NRXN3: variants seen among roughly 807,000 people sequenced by gnomAD.
The protein encoded by NRXN3 is neurexin 3.
A neutral mutation model predicts 137.6 loss-of-function variants in NRXN3; 32 were observed. That is an observed-to-expected ratio of 0.23 (90% CI 0.18 to 0.31). The LOEUF (loss-of-function observed/expected upper bound fraction) is 0.31. NRXN3 is among the 10% of genes least tolerant of loss of function. The pLI, the probability that NRXN3 is intolerant of heterozygous loss-of-function variation, is 1.00. For missense variants in NRXN3, 1,574 were observed against 2,062.5 expected (o/e 0.76, Z 4.59); for synonymous variants, 798 against 784.5 (o/e 1.02, Z -0.29).
intron 15 of NRXN3, among the ~76,000 whole-genome samples, chr14:79,087,417 G>A (rs1352585683): frequency 6.6e-6 from 1 of 152,142 alleles, no homozygotes; most frequent in Non-Finnish European, 1.5e-5. Flanking sequence ...AGGAAGAGCT[G>A]TCACCTTGCC....
At chr14:79,446,663 T>C (rs192739077) in intron 15 of NRXN3, among the ~76,000 whole-genome samples, 67 of 152,240 alleles carry the variant, frequency 4.4e-4, no homozygotes, top group African/African-American at 1.6e-3. Context: ...TTTCCTTCCT[T>C]TCTTTTTCTC....
intron 1 of NRXN3, among the ~76,000 whole-genome samples, chr14:78,234,219 T>G (rs1361205083): frequency 6.6e-6 from 1 of 152,170 alleles, no homozygotes; most frequent in Non-Finnish European, 1.5e-5. Flanking sequence ...CTCAGGTATG[T>G]CTCTATTAGC....
intron 8 of NRXN3, among the ~76,000 whole-genome samples, chr14:78,786,858 A>T (rs532995784): frequency 1.3e-5 from 2 of 152,250 alleles, no homozygotes; most frequent in South Asian, 4.1e-4. Context: ...ACTTTTTCAT[A>T]TCTCTGTAAG....
At chr14:78,547,363 A>AT (rs1036581751) in intron 4 of NRXN3, among the ~76,000 whole-genome samples, 7 of 150,976 alleles carry the variant, frequency 4.6e-5, no homozygotes, top group African/African-American at 1.5e-4. Context: ...CCGCTACCAC[A>AT]TTTTTTTTGT....
intron 15 of NRXN3, among the ~76,000 whole-genome samples, chr14:79,405,281 G>A (rs1275467652): frequency 6.6e-6 from 1 of 152,094 alleles, no homozygotes; most frequent in Non-Finnish European, 1.5e-5. Flanking sequence ...ACATAGTAAG[G>A]CCATTAGCTT....
chr14:79,488,772 C>T (rs1229783793), intron 16 of NRXN3, among the ~76,000 whole-genome samples: 1 of 152,130 alleles, frequency 6.6e-6, no homozygotes, highest in East Asian at 1.9e-4. Flanking sequence ...TTAAGCTCAT[C>T]AATCAACAGG....
intron 4 of NRXN3, among the ~76,000 whole-genome samples, chr14:78,443,012 T>C (rs1239426425): frequency 6.6e-6 from 1 of 152,200 alleles, no homozygotes; most frequent in Non-Finnish European, 1.5e-5. Flanking sequence ...GGCTTGTGTA[T>C]GACCATACAG....
rs536074796 is a variant in NRXN3, at chr14:78,962,553, TA to T, written c.2396-3462del. Reference sequence around the variant, plus strand: ...ACTATTGATTAAATGACACATAGATTAAAAAAAAAATATTTGGTTGGTTTGG... The same window carrying T: ...ACTATTGATTAAATGACACATAGATTAAAAAAAAATATTTGGTTGGTTTGG... On this transcript the variant is annotated intron_variant, in intron 11 of 20. Transcript: ENST00000335750. Among the ~76,000 whole-genome samples the T allele has an allele frequency of 1.1e-3, 167 of 150,134 alleles. 1 individual carries two copies. Among genetic ancestry groups the T allele is most frequent in the Middle Eastern group, 3.4e-3 (1 of 292 alleles).
chr14:79,094,565 A>T (rs1389860160), intron 15 of NRXN3, among the ~76,000 whole-genome samples: 1 of 152,218 alleles, frequency 6.6e-6, no homozygotes, highest in Non-Finnish European at 1.5e-5. Context: ...TTGTGACTTC[A>T]TCTAAATTAT....
chr14:79,756,248 G>A (rs2099019126), intron 19 of NRXN3, among the ~76,000 whole-genome samples: 1 of 152,070 alleles, frequency 6.6e-6, no homozygotes, highest in African/African-American at 2.4e-5. Flanking sequence ...CTGATTTTTG[G>A]CATTTAATTC....
intron 2 of NRXN3, among the ~76,000 whole-genome samples, chr14:78,259,959 G>A (rs933977941): frequency 6.6e-6 from 1 of 152,192 alleles, no homozygotes; most frequent in Non-Finnish European, 1.5e-5. Flanking sequence ...TAGGGGCCCA[G>A]CTGGTATGCG....
chr14:79,781,879 G>A (rs915181934), intron 19 of NRXN3, among the ~76,000 whole-genome samples: 6 of 152,178 alleles, frequency 3.9e-5, no homozygotes, highest in Non-Finnish European at 7.3e-5. Context: ...TGGGGAGGTG[G>A]TAAAGAAAAG....
intron 15 of NRXN3, among the ~76,000 whole-genome samples, chr14:79,350,436 G>A (rs773864734): frequency 6.6e-6 from 1 of 152,154 alleles, no homozygotes; most frequent in Non-Finnish European, 1.5e-5. Context: ...ATGACAATGT[G>A]AATGCATCAT....
At chr14:79,216,471 A>T (rs948245918) in intron 15 of NRXN3, among the ~76,000 whole-genome samples, 1 of 152,220 alleles carries the variant, frequency 6.6e-6, no homozygotes, top group African/African-American at 2.4e-5. Flanking sequence ...TCAAGGTCAC[A>T]TTGCAAAAGA....
intron 19 of NRXN3, among the ~76,000 whole-genome samples, chr14:79,799,361 T>G (rs1052082898): frequency 1.3e-5 from 2 of 152,218 alleles, no homozygotes; most frequent in Non-Finnish European, 2.9e-5. Flanking sequence ...ATATGCATTG[T>G]GAAACTGCAT....
At chr14:79,020,133 C>T (rs1397943484) in intron 15 of NRXN3, among the ~76,000 whole-genome samples, 1,371 of 12,398 alleles carry the variant, frequency 0.11, 42 homozygotes, top group African/African-American at 0.36. Context: ...CTTTCCCTTC[C>T]CTTCCCTTCC....
At chr14:78,490,539 T>A (rs1243520219) in intron 4 of NRXN3, among the ~76,000 whole-genome samples, 1 of 152,192 alleles carries the variant, frequency 6.6e-6, no homozygotes, top group African/African-American at 2.4e-5. Context: ...CCTGCCTCAG[T>A]TGAATGCATC....
chr14:78,430,036 G>GCAGC (rs1351726848), intron 4 of NRXN3, among the ~76,000 whole-genome samples: 1 of 152,104 alleles, frequency 6.6e-6, no homozygotes, highest in Non-Finnish European at 1.5e-5. Context: ...ATGTTTGAGA[G>GCAGC]CAGCGTAGGC....
intron 15 of NRXN3, among the ~76,000 whole-genome samples, chr14:79,317,171 G>A (rs998635056): frequency 6.6e-6 from 1 of 152,102 alleles, no homozygotes; most frequent in African/African-American, 2.4e-5. Flanking sequence ...GGTGGAGGTT[G>A]CAGTGAGCTG....
Sources: allele counts gnomAD v4.1 joint callset (sites outside exome capture counted in the v4.1 genomes callset), GRCh38; gene constraint gnomAD v4.1.1; transcripts MANE v1.5; gene names NCBI Gene and HGNC (gene_info 2026-07-23, HGNC 2026-07-21).